CACNA1C: variants seen among roughly 807,000 people sequenced by gnomAD.
CACNA1C encodes calcium voltage-gated channel subunit alpha1 C, also known as voltage-dependent L-type calcium channel subunit alpha-1C.
In CACNA1C, 30 loss-of-function variants were observed where a neutral mutation model predicts 229.0. That is an observed-to-expected ratio of 0.13 (90% CI 0.10 to 0.18). CACNA1C has a LOEUF of 0.18. Ranked by LOEUF, CACNA1C falls within the 10% of genes least tolerant of loss-of-function variation. The pLI is 1.00. For missense variants in CACNA1C, 1,658 were observed against 2,845.0 expected (o/e 0.58, Z 9.49); for synonymous variants, 1,114 against 1,132.5 (o/e 0.98, Z 0.33).
intron 3 of CACNA1C, among the ~76,000 whole-genome samples, chr12:2,238,357 G>T (rs368615956): frequency 6.6e-6 from 1 of 152,186 alleles, no homozygotes; most frequent in Non-Finnish European, 1.5e-5. Context: ...AAGAACTGAA[G>T]TGTGGCCAAA....
chr12:2,023,871 A>G (rs1236264235), intron 1 of CACNA1C, among the ~76,000 whole-genome samples: 1 of 152,244 alleles, frequency 6.6e-6, no homozygotes, highest in Non-Finnish European at 1.5e-5. Flanking sequence ...GCTGCTTAAT[A>G]GACTTCATTC....
chr12:2,605,878 G>C lies in CACNA1C; in HGVS notation c.3156+92G>C. ...TGGCAGATATAGTACAAACGAGACA[G>C]TGTCCTGAGCCAGACTTGGCTTGGA... On this transcript the variant is annotated intron_variant, in intron 24 of 46. Coordinates refer to ENST00000399655, the MANE Select transcript of CACNA1C (RefSeq NM_000719.7). The surrounding 1 kb of genome is among the most constrained non-coding windows in gnomAD (Gnocchi z 6.2). The C allele has an allele frequency of 1.1e-6, 1 of 902,586 alleles. No individual in the cohort carries two copies. Among genetic ancestry groups the C allele is most frequent in the South Asian group, 1.4e-5 (1 of 74,022 alleles). 55.9% of individuals were successfully genotyped at this position (902,586 alleles called of 1,614,324 possible).
At chr12:2,326,061 A>G (rs1361319554) in intron 3 of CACNA1C, among the ~76,000 whole-genome samples, 2 of 152,102 alleles carry the variant, frequency 1.3e-5, no homozygotes, top group Non-Finnish European at 2.9e-5. Context: ...GGGAGGCAGG[A>G]CTCACCCACA....
At chr12:2,640,405 C>CT (rs1164726376) in intron 30 of CACNA1C, among the ~76,000 whole-genome samples, 1 of 152,238 alleles carries the variant, frequency 6.6e-6, no homozygotes, top group Admixed American at 6.5e-5. Flanking sequence ...CTTGACTTCT[C>CT]TGTGTCGGTT....
chr12:2,141,000 C>G (rs1221302748), intron 3 of CACNA1C, among the ~76,000 whole-genome samples: 2 of 151,052 alleles, frequency 1.3e-5, no homozygotes, highest in African/African-American at 2.4e-5. Context: ...GAGGGTCTCT[C>G]TGAGGAGGTG....
intron 3 of CACNA1C, among the ~76,000 whole-genome samples, chr12:2,377,125 G>T (rs1242535404): frequency 3.3e-5 from 5 of 152,126 alleles, no homozygotes; most frequent in African/African-American, 1.2e-4. Flanking sequence ...GAGAAGGAAG[G>T]GCTGGGACAC....
intron 3 of CACNA1C, among the ~76,000 whole-genome samples, chr12:2,191,162 G>C (rs2097198616): frequency 6.6e-6 from 1 of 152,314 alleles, no homozygotes; most frequent in South Asian, 2.1e-4. Context: ...TTGCCAGGGA[G>C]ATGTGGGGTG....
intron 3 of CACNA1C, among the ~76,000 whole-genome samples, chr12:2,302,835 T>C (rs2094677884): frequency 6.6e-6 from 1 of 152,264 alleles, no homozygotes; most frequent in Non-Finnish European, 1.5e-5. Flanking sequence ...CTCTCTGCCC[T>C]CTGTGTTCTA....
At chr12:2,283,778 C>T (rs916000802) in intron 3 of CACNA1C, among the ~76,000 whole-genome samples, 4 of 152,192 alleles carry the variant, frequency 2.6e-5, no homozygotes, top group Admixed American at 6.5e-5. Flanking sequence ...TCCTGGGCCC[C>T]ACTTTCAATA....
intron 3 of CACNA1C, among the ~76,000 whole-genome samples, chr12:2,293,170 C>T (rs1035261694): frequency 6.6e-6 from 1 of 152,138 alleles, no homozygotes; most frequent in Non-Finnish European, 1.5e-5. Flanking sequence ...TAACCTCTGG[C>T]AAGGAAACGG....
intron 10 of CACNA1C, chr12:2,550,766 C>T: frequency 1.1e-6 from 1 of 899,602 alleles, no homozygotes; most frequent in Non-Finnish European, 1.5e-6. Flanking sequence ...CAAGCGCAGC[C>T]CTTTCACAAC....
intron 42 of CACNA1C, chr12:2,680,521 C>G (rs1322888891): frequency 1.3e-6 from 2 of 1,574,016 alleles, no homozygotes; most frequent in Non-Finnish European, 1.7e-6. Flanking sequence ...CTGTGCTGCT[C>G]TTCCAGAGTA....
At chr12:2,276,093 A>C (rs937350377) in intron 3 of CACNA1C, among the ~76,000 whole-genome samples, 1 of 151,822 alleles carries the variant, frequency 6.6e-6, no homozygotes, top group Admixed American at 6.6e-5. Context: ...TTTTTTCCTA[A>C]TATTTTTTAC....
intron 3 of CACNA1C, among the ~76,000 whole-genome samples, chr12:2,233,983 C>G (rs932796092): frequency 5.3e-5 from 8 of 152,232 alleles, no homozygotes. Context: ...CAGGTCCACC[C>G]TTCCCACTTG....
intron 3 of CACNA1C, among the ~76,000 whole-genome samples, chr12:2,409,294 C>T (rs1252402771): frequency 6.6e-6 from 1 of 152,208 alleles, no homozygotes; most frequent in African/African-American, 2.4e-5. Flanking sequence ...TCGTCTCCTT[C>T]CCCTAGATGT....
chr12:2,121,942 G>C (rs1457885779), intron 3 of CACNA1C, among the ~76,000 whole-genome samples: 1 of 152,186 alleles, frequency 6.6e-6, no homozygotes, highest in African/African-American at 2.4e-5. Flanking sequence ...TGGTGAAGGT[G>C]TGTAGAGGAG....
chr12:2,677,239 G>T lies in CACNA1C; in HGVS notation c.4956+18G>T. On this transcript the variant is annotated intron_variant, in intron 40 of 46. Coordinates refer to ENST00000399655, the MANE Select transcript of CACNA1C (RefSeq NM_000719.7). The surrounding 1 kb of genome is among the most constrained non-coding windows in gnomAD (Gnocchi z 7.4). ...CTCTGCAGGTGAGGGCCTGGGGGCG[G>T]GCCCACACTCCAGGAAGGTCCTGGT... The T allele has an allele frequency of 6.2e-7, 1 of 1,612,398 alleles. No homozygotes were observed. Among genetic ancestry groups the T allele is most frequent in the Non-Finnish European group, 8.5e-7 (1 of 1,179,262 alleles).
At chr12:2,628,413 A>G (rs748475786) in intron 29 of CACNA1C, among the ~76,000 whole-genome samples, 8 of 152,282 alleles carry the variant, frequency 5.3e-5, no homozygotes, top group Non-Finnish European at 1.0e-4. Context: ...TTCATTCAGG[A>G]GAGTTTGAAT....
At chr12:2,609,234 C>T (rs984800525) in intron 27 of CACNA1C, among the ~76,000 whole-genome samples, 7 of 152,056 alleles carry the variant, frequency 4.6e-5, no homozygotes, top group Non-Finnish European at 7.4e-5. Flanking sequence ...TTCTGTTAGC[C>T]GTGAAGAGCT....
Sources: allele counts gnomAD v4.1 joint callset (sites outside exome capture counted in the v4.1 genomes callset), GRCh38; gene constraint gnomAD v4.1.1; non-coding constraint Gnocchi (gnomAD v3.1); transcripts MANE v1.5; gene names NCBI Gene and HGNC (gene_info 2026-07-23, HGNC 2026-07-21).